Variants in KIF6 observed in about 807,000 individuals in gnomAD.
KIF6 encodes kinesin-like protein KIF6.
KIF6 carries 106 observed loss-of-function variants against 112.7 expected under a neutral mutation model. That is an observed-to-expected ratio of 0.94 (90% CI 0.80 to 1.11). KIF6 has a LOEUF of 1.11. Ranked by LOEUF, KIF6 falls within the 50% of genes least tolerant of loss-of-function variation. The probability of loss-of-function intolerance (pLI) is 0.00; values close to 1 mark genes in which losing one functional copy is unlikely to be tolerated. For missense variants in KIF6, 929 were observed against 964.0 expected, an observed-to-expected ratio of 0.96 and a Z score of 0.48; for synonymous variants, 339 against 339.9, an observed-to-expected ratio of 1.00 and a Z score of 0.03.
At chr6:39,450,460 T>G (rs544018545) in intron 13 of KIF6, among the ~76,000 whole-genome samples, 2 of 152,328 alleles carry the variant, frequency 1.3e-5, no homozygotes, top group South Asian at 4.1e-4. Flanking sequence ...TTTCTAATTA[T>G]CAAAGTATGG....
At chr6:39,408,562 G>A (rs1204273512) in intron 15 of KIF6, among the ~76,000 whole-genome samples, 2 of 152,022 alleles carry the variant, frequency 1.3e-5, no homozygotes, top group Non-Finnish European at 2.9e-5. Flanking sequence ...GAAAAGCAAG[G>A]GGGCAGAATG....
chr6:39,442,547 A>G (rs535754545), intron 13 of KIF6, among the ~76,000 whole-genome samples: 21 of 152,352 alleles, frequency 1.4e-4, no homozygotes, highest in African/African-American at 4.6e-4. Flanking sequence ...TTTTGGAGCC[A>G]GCTTAGGCAT....
chr6:39,524,263 T>A (rs942965967), intron 13 of KIF6, among the ~76,000 whole-genome samples: 1 of 152,132 alleles, frequency 6.6e-6, no homozygotes, highest in Non-Finnish European at 1.5e-5. Context: ...ATACAGCATA[T>A]ATTTTGTCAT....
intron 3 of KIF6, among the ~76,000 whole-genome samples, chr6:39,693,584 T>C (rs1484948288): frequency 6.6e-6 from 1 of 151,972 alleles, no homozygotes; most frequent in East Asian, 1.9e-4. Context: ...AGATAAATCC[T>C]AGAAACACAC....
chr6:39,385,658 C>G lies in KIF6; in HGVS notation c.1825G>C (p.Glu609Gln). Residue 609 changes from glutamate (E) to glutamine (Q), a missense_variant, in exon 16 of 23, where the codon GAA becomes CAA. Glu to Gln is a conservative substitution (Grantham distance 29). Around this residue, in one of 2 missense-constraint regions of KIF6, gnomAD observed 241 missense variants for 301.4 expected, o/e 0.80. Coordinates refer to ENST00000287152, the MANE Select transcript of KIF6 (RefSeq NM_145027.6). ...TGCTGTATATGCCGCTGGGTGATTT[C>G]TTCCTTCAGGTGACCTGCCAAAGAC... ...ARSKIGHLKE[E>Q]ITQRHIQQVA... The G allele has an allele frequency of 1.2e-6, 2 of 1,613,110 alleles. No homozygotes were observed. The highest frequency in any genetic ancestry group is 1.7e-6 in the Non-Finnish European group (2 of 1,179,622).
intron 3 of KIF6, among the ~76,000 whole-genome samples, chr6:39,701,637 G>T (rs1788884439): frequency 6.6e-6 from 1 of 152,210 alleles, no homozygotes; most frequent in African/African-American, 2.4e-5. Flanking sequence ...AAAACAAATG[G>T]ACTGCACGAG....
At chr6:39,640,589 T>A (rs575643926) in intron 3 of KIF6, among the ~76,000 whole-genome samples, 1 of 152,248 alleles carries the variant, frequency 6.6e-6, no homozygotes, top group African/African-American at 2.4e-5. Context: ...TGGGTGGATT[T>A]TTTGATAGAT....
intron 3 of KIF6, among the ~76,000 whole-genome samples, chr6:39,697,357 G>A (rs922889913): frequency 2.0e-5 from 3 of 152,032 alleles, no homozygotes; most frequent in Non-Finnish European, 4.4e-5. Flanking sequence ...TAAGGGTCGT[G>A]GTTCATAAGC....
chr6:39,564,197 G>GGGGAAATCTGATTTCTCC (rs1454067420), intron 10 of KIF6, among the ~76,000 whole-genome samples: 3 of 152,192 alleles, frequency 2.0e-5, no homozygotes, highest in African/African-American at 7.2e-5. Context: ...TGAAAAAGAA[G>GGGGAAATCTGATTTCTCC]GGGAAATCTG....
At chr6:39,382,802 C>G (rs983813653) in intron 16 of KIF6, among the ~76,000 whole-genome samples, 1 of 151,764 alleles carries the variant, frequency 6.6e-6, no homozygotes, top group Admixed American at 6.6e-5. Flanking sequence ...ATAAATATAC[C>G]CTTTTCTGTG....
At chr6:39,475,492 C>T (rs1774373973) in intron 13 of KIF6, among the ~76,000 whole-genome samples, 1 of 152,186 alleles carries the variant, frequency 6.6e-6, no homozygotes, top group Non-Finnish European at 1.5e-5. Context: ...CATTATTTTC[C>T]TAGGTCCCTG....
At chr6:39,396,653 G>T (rs1768293651) in intron 15 of KIF6, among the ~76,000 whole-genome samples, 1 of 152,174 alleles carries the variant, frequency 6.6e-6, no homozygotes, top group Non-Finnish European at 1.5e-5. Context: ...ATCCCTTTGA[G>T]CCTCAATTTC....
chr6:39,463,532 A>G lies in KIF6; in HGVS notation c.1646-32371T>C, dbSNP rs989353525. 3.3e-5 allele frequency among the ~76,000 whole-genome samples: 5 copies of G among 152,204 alleles called. No individual in the cohort carries two copies. The East Asian group carries it at 9.6e-4, about 29-fold the overall frequency. ...TTTTCTTCCAGACATTTTTCTATGC[A>G]TGTTTAGATCTATTTAACATCATTG... On this transcript the variant is annotated intron_variant, in intron 13 of 22. Coordinates refer to ENST00000287152, the MANE Select transcript of KIF6 (RefSeq NM_145027.6).
intron 10 of KIF6, among the ~76,000 whole-genome samples, chr6:39,575,057 T>C (rs1485824020): frequency 6.6e-6 from 1 of 152,162 alleles, no homozygotes. Context: ...TCTCTAAAGA[T>C]ATTAATCACT....
At chr6:39,620,847 C>T (rs1783776393) in intron 5 of KIF6, among the ~76,000 whole-genome samples, 1 of 152,114 alleles carries the variant, frequency 6.6e-6, no homozygotes, top group African/African-American at 2.4e-5. Context: ...TGGCTCACTG[C>T]AACCTCCACC....
chr6:39,646,829 T>C (rs145029198), intron 3 of KIF6, among the ~76,000 whole-genome samples: 1 of 152,078 alleles, frequency 6.6e-6, no homozygotes, highest in Non-Finnish European at 1.5e-5. Context: ...TTCCGCCTTA[T>C]CCATACTTGC....
chr6:39,549,497 G>C (rs1376387231), intron 10 of KIF6, among the ~76,000 whole-genome samples: 1 of 152,134 alleles, frequency 6.6e-6, no homozygotes, highest in Non-Finnish European at 1.5e-5. Flanking sequence ...CACACAGCAA[G>C]CACACAGGTA....
At chr6:39,509,185 G>A (rs9471118) in intron 13 of KIF6, among the ~76,000 whole-genome samples, 30,082 of 152,028 alleles carry the variant, frequency 0.2, 3,277 homozygotes, top group African/African-American at 0.29. Context: ...TAGCATCAAC[G>A]TCAACAAAAA....
At chr6:39,600,034 C>T (rs939652223) in intron 6 of KIF6, among the ~76,000 whole-genome samples, 2 of 152,144 alleles carry the variant, frequency 1.3e-5, no homozygotes, top group African/African-American at 4.8e-5. Flanking sequence ...TCTTAAACCT[C>T]AGAAAACATT....
Sources: gnomAD v4.1 joint callset for allele counts (sites outside exome capture counted in the v4.1 genomes callset) on GRCh38, gnomAD v4.1.1 for gene constraint, gnomAD v4.1.1 regional missense constraint, MANE v1.5 for transcripts, NCBI Gene and HGNC (gene_info 2026-07-23, HGNC 2026-07-21) for gene names.